RERE: variants seen among roughly 807,000 people sequenced by gnomAD.
RERE encodes the protein arginine-glutamic acid dipeptide repeats protein.
RERE carries 40 observed loss-of-function variants against 146.1 expected under a neutral mutation model. That is an observed-to-expected ratio of 0.27 (90% CI 0.21 to 0.36). RERE has a LOEUF of 0.36. RERE is among the 10% of genes least tolerant of loss of function. RERE has a pLI of 1.00. For synonymous variants in RERE, 1,003 were observed against 866.0 expected, an observed-to-expected ratio of 1.16 and a Z score of -2.78; for missense variants, 1,933 against 2,138.7, an observed-to-expected ratio of 0.90 and a Z score of 1.90.
At chr1:8,680,272 C>A (rs1170599535) in intron 1 of RERE, among the ~76,000 whole-genome samples, 1 of 152,154 alleles carries the variant, frequency 6.6e-6, no homozygotes, top group African/African-American at 2.4e-5. Flanking sequence ...TTGCATTTCT[C>A]TGGAGTACTT....
At chr1:8,589,618 T>G (rs139876213) in intron 4 of RERE, among the ~76,000 whole-genome samples, 1 of 152,360 alleles carries the variant, frequency 6.6e-6, no homozygotes, top group African/African-American at 2.4e-5. Flanking sequence ...TAAGACAGAT[T>G]AGGTCTTGCT....
At chr1:8,647,830 C>T (rs953958139) in intron 2 of RERE, among the ~76,000 whole-genome samples, 7 of 152,142 alleles carry the variant, frequency 4.6e-5, no homozygotes, top group South Asian at 2.1e-4. Flanking sequence ...TCAGTGAAGA[C>T]GCAGTAGCTA....
At position 8,359,848 on chromosome 1, in the gene RERE, G is replaced by T; in HGVS notation, c.3534C>A (p.Ala1178=). ...CCTTCTCCCGCTCTCGCTCCTCTCG[G>T]GCTTTCTGCTCAGCCTCGCGCTTGG... is the stretch of plus-strand genomic sequence containing the variant. ...EKAKREAEQK[A]REEREREKEK... The change falls in exon 19 of 23, where the codon GCC becomes GCA. Residue 1178 remains alanine, a synonymous_variant. Coordinates refer to ENST00000400908, the MANE Select transcript of RERE (RefSeq NM_001042681.2). 6.2e-7 allele frequency: 1 copy of T among 1,611,038 alleles called. No individual in the cohort carries two copies. Among genetic ancestry groups the T allele is most frequent in the East Asian group, 2.2e-5 (1 of 44,864 alleles).
intron 10 of RERE, 45 bp downstream of exon 10, chr1:8,495,018 G>A: frequency 7.3e-7 from 1 of 1,369,618 alleles, no homozygotes. Flanking sequence ...CAGTTCAGGG[G>A]AAAAAGAAGT....
chr1:8,479,973 G>A (rs1644809169), intron 10 of RERE, among the ~76,000 whole-genome samples: 1 of 152,064 alleles, frequency 6.6e-6, no homozygotes, highest in African/African-American at 2.4e-5. Flanking sequence ...TAGAATACAT[G>A]AGCCCTTCTG....
intron 11 of RERE, among the ~76,000 whole-genome samples, chr1:8,461,510 C>T (rs1009528090): frequency 7.2e-5 from 11 of 152,120 alleles, no homozygotes; most frequent in Admixed American, 2.0e-4. Context: ...CACAGACACT[C>T]GGCAAAAGCA....
chr1:8,789,089 A>T (rs894744964), intron 1 of RERE, among the ~76,000 whole-genome samples: 94 of 151,426 alleles, frequency 6.2e-4, no homozygotes, highest in African/African-American at 2.2e-3. Context: ...ATTATTTTTT[A>T]AAAAACTAAA....
intron 1 of RERE, among the ~76,000 whole-genome samples, chr1:8,769,117 T>C (rs1349955682): frequency 6.6e-6 from 1 of 152,236 alleles, no homozygotes; most frequent in Non-Finnish European, 1.5e-5. Context: ...CAGCCTAAAA[T>C]GTTTACTACC....
chr1:8,565,027 C>T (rs1646135906), intron 4 of RERE, among the ~76,000 whole-genome samples: 1 of 151,964 alleles, frequency 6.6e-6, no homozygotes, highest in South Asian at 2.1e-4. Context: ...ACTCAAACAA[C>T]CCAACTCACA....
rs569173470 is a variant in RERE at position 8,383,377 on chromosome 1, A to C, written c.1285-17403T>G. Among the ~76,000 whole-genome samples the C allele has an allele frequency of 3.3e-5, 5 of 151,688 alleles. No individual in the cohort carries two copies. In the South Asian group the frequency reaches 1.0e-3, roughly 32 times the overall value. ...GCAGGAATAAAAACGAAACCAAGAG[A>C]ATGCACCTGCCAATCTATATCAGGC... On this transcript the variant is annotated intron_variant, in intron 12 of 22. Transcript: ENST00000400908.
rs115986998 is a variant in RERE, at chr1:8,358,650, G to A, written c.3885C>T (p.Val1295=). The A allele has an allele frequency of 3.1e-3, 4,918 of 1,584,474 alleles. 163 individuals are homozygous for A. The African/African-American group carries it at 0.06, about 19-fold the overall frequency. Residue 1295 remains valine, a synonymous_variant, in exon 20 of 23, where the codon GTC becomes GTT. Transcript: ENST00000400908. ...GCTCCCGCTCGCGGATGGTGGGGTC[G>A]ACGTTGTAGAGGCCAGGCATGTGGT... The part of the protein sequence containing the change: ...LAYHMPGLYN[V]DPTIRERELR...
chr1:8,635,704 T>C (rs1460389457), intron 2 of RERE, among the ~76,000 whole-genome samples: 2 of 152,178 alleles, frequency 1.3e-5, no homozygotes, highest in African/African-American at 4.8e-5. Context: ...GAAAGACCCT[T>C]TGTCTTATAG....
intron 1 of RERE, among the ~76,000 whole-genome samples, chr1:8,667,073 C>G (rs1253465943): frequency 6.6e-6 from 1 of 152,132 alleles, no homozygotes; most frequent in Non-Finnish European, 1.5e-5. Context: ...GGGTTTAATG[C>G]TGATAGTAGC....
chr1:8,501,043 G>GGGGA (rs1557660954), intron 8 of RERE, among the ~76,000 whole-genome samples: 1 of 93,694 alleles, frequency 1.1e-5, no homozygotes, highest in Non-Finnish European at 2.4e-5. Context: ...GGGGGGGGGG[G>GGGGA]GTCAGCCCCC....
chr1:8,595,414 TAC>T, intron 4 of RERE, among the ~76,000 whole-genome samples: 1 of 151,938 alleles, frequency 6.6e-6, no homozygotes, highest in East Asian at 1.9e-4. Flanking sequence ...TTAAAAAAAG[TAC>T]ACACACACAA....
chr1:8,600,744 C>A (rs1166761933), intron 4 of RERE, among the ~76,000 whole-genome samples: 1 of 136,994 alleles, frequency 7.3e-6, no homozygotes, highest in Non-Finnish European at 1.5e-5. Flanking sequence ...TGAAAACAAG[C>A]CAATACTTTT....
At chr1:8,591,241 A>G (rs895782963) in intron 4 of RERE, among the ~76,000 whole-genome samples, 4 of 152,146 alleles carry the variant, frequency 2.6e-5, no homozygotes, top group African/African-American at 9.7e-5. Flanking sequence ...TCTATAAATA[A>G]CTTACTGATG....
intron 1 of RERE, among the ~76,000 whole-genome samples, chr1:8,720,605 T>G (rs1017923549): frequency 6.6e-6 from 1 of 151,300 alleles, no homozygotes; most frequent in African/African-American, 2.4e-5. Context: ...CAACTGAGGG[T>G]GGAGGGTGCC....
intron 4 of RERE, among the ~76,000 whole-genome samples, chr1:8,577,162 C>CA (rs1044225948): frequency 1.6e-3 from 186 of 117,308 alleles, no homozygotes; most frequent in African/African-American, 2.7e-3. Context: ...GAGAGAGACT[C>CA]AAAAAAAAAA....
Sources: gnomAD v4.1 joint callset for allele counts (sites outside exome capture counted in the v4.1 genomes callset) on GRCh38, gnomAD v4.1.1 for gene constraint, MANE v1.5 for transcripts, NCBI Gene and HGNC (gene_info 2026-07-23, HGNC 2026-07-21) for gene names.